RASSF2: variants seen among roughly 807,000 people sequenced by gnomAD.
The protein encoded by RASSF2 is ras association domain-containing protein 2.
Under a neutral mutation model 46.3 loss-of-function variants are expected in RASSF2, and 34 were observed. The ratio of observed to expected loss-of-function variants is 0.73; its 90% CI spans 0.56 to 0.98. RASSF2 has a LOEUF of 0.98. Ranked by LOEUF, RASSF2 falls within the 50% of genes least tolerant of loss-of-function variation. The pLI is 0.00. For missense variants in RASSF2, 364 were observed against 431.2 expected (o/e 0.84, Z 1.38); for synonymous variants, 158 against 162.5 (o/e 0.97, Z 0.21).
intron 3 of RASSF2, among the ~76,000 whole-genome samples, chr20:4,800,739 A>T (rs1926790948): frequency 6.6e-6 from 1 of 151,930 alleles, no homozygotes; most frequent in Admixed American, 6.6e-5. Flanking sequence ...CTGCGTCTTG[A>T]CTTCCCCTTT....
At chr20:4,785,699 G>A (rs984972835) in intron 11 of RASSF2, among the ~76,000 whole-genome samples, 6 of 152,102 alleles carry the variant, frequency 3.9e-5, no homozygotes, top group East Asian at 3.9e-4. Context: ...TGGAACCTCC[G>A]GGTCTTGGTT....
At chr20:4,800,588 T>C (rs1926776380) in intron 3 of RASSF2, among the ~76,000 whole-genome samples, 1 of 152,148 alleles carries the variant, frequency 6.6e-6, no homozygotes, top group Non-Finnish European at 1.5e-5. Context: ...GCCCCACCTC[T>C]TATACCAGCA....
chr20:4,784,005 T>G lies in RASSF2; in HGVS notation c.*268A>C. The G allele has an allele frequency of 2.0e-6, 1 of 492,152 alleles. No homozygotes were observed. The highest frequency in any genetic ancestry group is 3.7e-6 in the Non-Finnish European group (1 of 269,962). 30.5% of individuals were successfully genotyped at this position (492,152 alleles called of 1,614,324 possible). ...TAGGCACATGGACACGTACCATGTG[T>G]GCACACACATGTACACACACACATT... On this transcript the variant is annotated 3_prime_UTR_variant, in exon 12 of 12. Transcript: ENST00000379400.
intron 6 of RASSF2, among the ~76,000 whole-genome samples, chr20:4,791,837 G>C (rs926508920): frequency 2.6e-5 from 4 of 152,174 alleles, no homozygotes; most frequent in African/African-American, 4.8e-5. Context: ...AAAGAATGCA[G>C]AGCTGTAAAG....
intron 7 of RASSF2, 76 bp from the exon 8 acceptor site, chr20:4,789,773 G>T: frequency 8.1e-7 from 1 of 1,242,236 alleles, no homozygotes; most frequent in South Asian, 1.2e-5. Flanking sequence ...GCGGTACAGG[G>T]CACAGTGACA....
intron 2 of RASSF2, among the ~76,000 whole-genome samples, chr20:4,807,330 G>GA (rs11483578): frequency 0.3 from 32,892 of 109,622 alleles, 3,872 homozygotes; most frequent in Middle Eastern, 0.35. Context: ...CTTCTGTTCA[G>GA]AAAAAAAAAA....
chr20:4,787,000 T>C (rs1302076057), intron 10 of RASSF2, among the ~76,000 whole-genome samples: 1 of 151,728 alleles, frequency 6.6e-6, no homozygotes, highest in Non-Finnish European at 1.5e-5. Flanking sequence ...GGAAAATAGC[T>C]TGAACCAGGG....
rs1925075985 is a variant in RASSF2 at position 4,784,175 on chromosome 20, T to A, written c.*98A>T. The stretch of plus-strand genomic sequence containing the variant: ...GCTTGGCCGGAGCTGGGGAGGTTTG[T>A]GTCTAAATGTTTCCATGGAAAGAAA... On this transcript the variant is annotated 3_prime_UTR_variant, in exon 12 of 12. Coordinates refer to ENST00000379400, the MANE Select transcript of RASSF2 (RefSeq NM_014737.3). 4 of 1,257,692 alleles carry A rather than the reference T, an allele frequency of 3.2e-6. No individual in the cohort carries two copies. Among genetic ancestry groups the A allele is most frequent in the Non-Finnish European group, 4.6e-6 (4 of 861,238 alleles). The allele number at this position is 1,257,692 out of a possible 1,614,324, so 77.9% of individuals were successfully genotyped here.
chr20:4,797,066 G>T (rs1399399550), intron 4 of RASSF2, among the ~76,000 whole-genome samples: 2 of 152,030 alleles, frequency 1.3e-5, no homozygotes, highest in African/African-American at 2.4e-5. Context: ...GGGAAGGAGA[G>T]AAATGAAACA....
rs1330224702 is a variant in RASSF2, at chr20:4,787,693, A to C, written c.753T>G (p.Cys251Trp). The C allele has an allele frequency of 6.2e-7, 1 of 1,614,162 alleles. No homozygotes were observed. Among genetic ancestry groups the C allele is most frequent in the Non-Finnish European group, 8.5e-7 (1 of 1,180,036 alleles). The change falls in exon 10 of 12, where the codon TGT (cysteine) becomes TGG (tryptophan). Residue 251 changes from cysteine to tryptophan, a missense_variant. Cys to Trp is a radical substitution (Grantham distance 215). Transcript: ENST00000379400. ...PLIARILQGP[C>W]EQISKVFLME... Reference sequence around the variant, plus strand: ...TTAGGAACACTTTGGAGATCTGCTCACATGGGCCCTGGAGGATTCGGGCAA... The same window carrying C: ...TTAGGAACACTTTGGAGATCTGCTCCCATGGGCCCTGGAGGATTCGGGCAA...
At chr20:4,813,018 C>T (rs920794240) in intron 2 of RASSF2, among the ~76,000 whole-genome samples, 7 of 152,086 alleles carry the variant, frequency 4.6e-5, no homozygotes, top group South Asian at 2.1e-4. Flanking sequence ...GGCCCAGAGC[C>T]GCAGGTCCAG....
At chr20:4,800,549 G>A (rs1230239114) in intron 3 of RASSF2, among the ~76,000 whole-genome samples, 1 of 152,080 alleles carries the variant, frequency 6.6e-6, no homozygotes, top group Non-Finnish European at 1.5e-5. Flanking sequence ...CCTTTTATAA[G>A]GGTACTTAGA....
At chr20:4,786,487 A>G (rs571863505) in intron 10 of RASSF2, among the ~76,000 whole-genome samples, 159 bp from the exon 11 acceptor site, 8 of 152,150 alleles carry the variant, frequency 5.3e-5, no homozygotes, top group African/African-American at 9.7e-5. Context: ...ATTCCTCACC[A>G]GGGTGGGAAG....
chr20:4,797,931 C>T, intron 4 of RASSF2, 79 bp downstream of exon 4: 2 of 1,585,438 alleles, frequency 1.3e-6, no homozygotes, highest in Non-Finnish European at 8.6e-7. Context: ...CTCTTGGGAC[C>T]TCAGGGACCT....
intron 4 of RASSF2, among the ~76,000 whole-genome samples, chr20:4,796,350 T>TA (rs1477594598): frequency 5.9e-5 from 9 of 152,072 alleles, no homozygotes; most frequent in African/African-American, 2.2e-4. Flanking sequence ...CATCCCCTAC[T>TA]ACGGAAAATG....
At chr20:4,793,909 C>T (rs1215415908) in intron 5 of RASSF2, among the ~76,000 whole-genome samples, 2 of 152,186 alleles carry the variant, frequency 1.3e-5, no homozygotes, top group South Asian at 2.1e-4. Flanking sequence ...AGCTTGATGC[C>T]GCAGAGAAGG....
intron 11 of RASSF2, among the ~76,000 whole-genome samples, chr20:4,784,934 G>C (rs1925176119): frequency 6.6e-6 from 1 of 152,142 alleles, no homozygotes; most frequent in Admixed American, 6.5e-5. Flanking sequence ...CTGCAGGAGT[G>C]GGCACTGTTG....
chr20:4,823,090 G>A (rs1463994619), intron 1 of RASSF2, among the ~76,000 whole-genome samples: 1 of 152,232 alleles, frequency 6.6e-6, no homozygotes, highest in Non-Finnish European at 1.5e-5. Context: ...GCCCCTGGCG[G>A]GGGTCCGCGC....
chr20:4,802,278 G>A (rs1926935359), intron 2 of RASSF2, among the ~76,000 whole-genome samples: 1 of 152,086 alleles, frequency 6.6e-6, no homozygotes, highest in Admixed American at 6.5e-5. Flanking sequence ...TGCATTGCAG[G>A]TGTTTAGCAG....
Sources: gnomAD v4.1 joint callset for allele counts (sites outside exome capture counted in the v4.1 genomes callset) on GRCh38, gnomAD v4.1.1 for gene constraint, MANE v1.5 for transcripts, NCBI Gene and HGNC (gene_info 2026-07-23, HGNC 2026-07-21) for gene names.